PTS: variants seen among roughly 807,000 people sequenced by gnomAD.
The protein encoded by PTS is 6-pyruvoyltetrahydropterin synthase.
A neutral mutation model predicts 20.6 loss-of-function variants in PTS; 23 were observed. The ratio of observed to expected loss-of-function variants is 1.12; its 90% CI spans 0.80 to 1.58. The LOEUF (loss-of-function observed/expected upper bound fraction) is 1.58, where lower values mean the gene tolerates loss of function less well. Ranked by LOEUF, PTS falls within the 40% of genes most tolerant of loss-of-function variation. The probability of loss-of-function intolerance (pLI) is 0.00; values close to 1 mark genes in which losing one functional copy is unlikely to be tolerated. For synonymous variants in PTS, 65 were observed against 62.5 expected (o/e 1.04, Z -0.19); for missense variants, 186 against 182.4 (o/e 1.02, Z -0.11).
intron 4 of PTS, among the ~76,000 whole-genome samples, chr11:112,232,118 C>A (rs182440821): frequency 6.6e-6 from 1 of 152,226 alleles, no homozygotes; most frequent in Non-Finnish European, 1.5e-5. Context: ...CTTATCATGG[C>A]ATGTAGAGTA....
rs137920358 is a variant in PTS, at chr11:112,228,494, CTT to C, written c.84-97_84-96del. ...TGAGCTAAAGTAATAAATTGGGAAA[CTT>C]TTCAAAGATCAGTACAAATAATAAA... is the stretch of plus-strand genomic sequence containing the variant. On this transcript the variant is annotated intron_variant, in intron 1 of 5. Coordinates refer to ENST00000280362, the MANE Select transcript of PTS (RefSeq NM_000317.3). 1,495 of 1,065,452 alleles carry C rather than the reference CTT, an allele frequency of 1.4e-3. 16 individuals carry two copies. In the African/African-American group the frequency reaches 0.018, roughly 13 times the overall value. 66.0% of individuals were successfully genotyped at this position (1,065,452 alleles called of 1,614,324 possible).
At chr11:112,230,081 A>G in intron 2 of PTS, 127 bp from the exon 3 acceptor site, 1 of 959,464 alleles carries the variant, frequency 1.0e-6, no homozygotes. Context: ...ATATTTAAGT[A>G]TAGCTTTTGG....
rs1184691736 is a variant in PTS at position 112,231,949 on chromosome 11, AAAAAGAAAAAGAGAAAAG to A, written c.244-1204_244-1187del. Among the ~76,000 whole-genome samples, 7 of 151,242 alleles carry A rather than the reference AAAAAGAAAAAGAGAAAAG, an allele frequency of 4.6e-5. 2 individuals are homozygous for A. Among genetic ancestry groups the A allele is most frequent in the African/African-American group, 1.7e-4 (7 of 40,896 alleles). ...GGAGGAGAGGGGAGGGGAAAGAAAG[AAAAAGAAAAAGAGAAAAG>A]AAAAGAAAAGAAAGAAAAGAGACAA... On this transcript the variant is annotated intron_variant, in intron 4 of 5. Coordinates refer to ENST00000280362, the MANE Select transcript of PTS (RefSeq NM_000317.3).
At chr11:112,230,100 C>G (rs1327164569) in intron 2 of PTS, 108 bp from the exon 3 acceptor site, 2 of 1,064,032 alleles carry the variant, frequency 1.9e-6, no homozygotes, top group East Asian at 4.7e-5. Flanking sequence ...GGGGACAGAT[C>G]TAATAATTTA....
At chr11:112,231,077 G>A (rs1468108984) in intron 4 of PTS, among the ~76,000 whole-genome samples, 3 of 150,372 alleles carry the variant, frequency 2.0e-5, no homozygotes, top group Non-Finnish European at 3.0e-5. Context: ...TTTTGGTAGA[G>A]GTAGGGGTCT....
intron 2 of PTS, 110 bp from the exon 3 acceptor site, chr11:112,230,098 A>G (rs962108285): frequency 7.6e-6 from 8 of 1,046,916 alleles, no homozygotes; most frequent in Non-Finnish European, 1.2e-5. Context: ...TTGGGGACAG[A>G]TCTAATAATT....
chr11:112,226,623 G>A (rs994366519), intron 1 of PTS, 97 bp downstream of exon 1: 2 of 1,093,476 alleles, frequency 1.8e-6, no homozygotes, highest in African/African-American at 3.3e-5. Flanking sequence ...TCGGGCCCGG[G>A]AGGGGCGCGG....
At chr11:112,227,799 C>G (rs959012447) in intron 1 of PTS, among the ~76,000 whole-genome samples, 1 of 152,154 alleles carries the variant, frequency 6.6e-6, no homozygotes, top group Non-Finnish European at 1.5e-5. Context: ...TAGGCCCCAT[C>G]TCCAACACTG....
Position 112,233,615 on chromosome 11 carries a change from T to A in PTS, c.*60T>A. 6.2e-6 allele frequency: 10 copies of A among 1,608,382 alleles called. No individual in the cohort carries two copies. The highest frequency in any genetic ancestry group is 8.5e-6 in the Non-Finnish European group (10 of 1,177,802). On this transcript the variant is annotated 3_prime_UTR_variant, in exon 6 of 6. Transcript: ENST00000280362. ...TTTCTGTGTTTGAAAAAGATTTTGATCCCCTTGGAATATTAAGAGGTCAAC... is the reference window on the plus strand; with the variant it reads ...TTTCTGTGTTTGAAAAAGATTTTGAACCCCTTGGAATATTAAGAGGTCAAC...
intron 4 of PTS, among the ~76,000 whole-genome samples, chr11:112,230,936 T>C (rs763565057): frequency 6.6e-5 from 10 of 152,220 alleles, no homozygotes; most frequent in Non-Finnish European, 1.5e-4. Context: ...GTATTCCTTG[T>C]TGGAATATCC....
intron 3 of PTS, 169 bp downstream of exon 3, chr11:112,230,399 G>T (rs545888598): frequency 7.7e-6 from 7 of 906,838 alleles, no homozygotes; most frequent in Non-Finnish European, 1.3e-5. Flanking sequence ...CTCTACCAAA[G>T]TGTTGTCTTT....
rs1407400342 is a variant in PTS, at chr11:112,233,257, T to C, written c.314+24T>C. 3.1e-6 allele frequency: 5 copies of C among 1,601,846 alleles called. No homozygotes were observed. In the South Asian group the frequency reaches 4.4e-5, roughly 14 times the overall value. ...AGGTGGGTGGCACTGTATCTTGCCTTATGTGGATTGTAAAACAAGAATTGA... is the reference window on the plus strand; with the variant it reads ...AGGTGGGTGGCACTGTATCTTGCCTCATGTGGATTGTAAAACAAGAATTGA... On this transcript the variant is annotated intron_variant, in intron 5 of 5. Transcript: ENST00000280362.
At position 112,230,657 on chromosome 11, in the gene PTS, T is replaced by C; in HGVS notation, c.218T>C (p.Leu73Pro). ...IDPATGMVMNLADLKKYMEEA... is the reference protein window; with the variant it reads ...IDPATGMVMNPADLKKYMEEA... ...CCTGCTACGGGAATGGTTATGAATCTGGCTGATCTCAAAAAATATATGGAG... is the reference window on the plus strand; with the variant it reads ...CCTGCTACGGGAATGGTTATGAATCCGGCTGATCTCAAAAAATATATGGAG... The change falls in exon 4 of 6, where the codon CTG becomes CCG. Residue 73 changes from leucine (L) to proline (P), a missense_variant. By Grantham distance (98) the Leu-to-Pro change is moderately conservative. Transcript: ENST00000280362. The C allele has an allele frequency of 6.2e-7, 1 of 1,611,340 alleles. No individual in the cohort carries two copies. Among genetic ancestry groups the C allele is most frequent in the South Asian group, 1.1e-5 (1 of 91,024 alleles).
chr11:112,230,020 T>G, intron 2 of PTS, 188 bp from the exon 3 acceptor site: 1 of 642,576 alleles, frequency 1.6e-6, no homozygotes, highest in Non-Finnish European at 2.7e-6. Flanking sequence ...GTGTCTTGCT[T>G]TGGTTGCTAA....
At chr11:112,233,034 A>C in intron 4 of PTS, 129 bp from the exon 5 acceptor site, 3 of 952,200 alleles carry the variant, frequency 3.2e-6, no homozygotes, top group Non-Finnish European at 5.2e-6. Context: ...TGTAAGACTC[A>C]AATCTAGTAC....
chr11:112,231,940 GAAAGA>G (rs1177748667), intron 4 of PTS, among the ~76,000 whole-genome samples: 1 of 134,372 alleles, frequency 7.4e-6, no homozygotes, highest in Non-Finnish European at 1.6e-5. Flanking sequence ...GAGGGGAGGG[GAAAGA>G]AAGAAAAAGA....
At chr11:112,233,373 CAT>C (rs1859968510) in intron 5 of PTS, 57 bp from the exon 6 acceptor site, 1 of 1,541,542 alleles carries the variant, frequency 6.5e-7, no homozygotes, top group African/African-American at 1.4e-5. Flanking sequence ...AAATATTAAA[CAT>C]GAAATTTTAT....
At chr11:112,233,028 A>G in intron 4 of PTS, 135 bp from the exon 5 acceptor site, 1 of 905,644 alleles carries the variant, frequency 1.1e-6, no homozygotes, top group Non-Finnish European at 1.9e-6. Context: ...TTGCCTTGTA[A>G]GACTCAAATC....
intron 2 of PTS, chr11:112,228,971 A>G (rs1859898998): frequency 2.9e-6 from 1 of 340,304 alleles, no homozygotes. Context: ...GCCAAGGCTA[A>G]TGTTAAAATT....
Sources: gnomAD v4.1 joint callset for allele counts (sites outside exome capture counted in the v4.1 genomes callset) on GRCh38, gnomAD v4.1.1 for gene constraint, MANE v1.5 for transcripts, NCBI Gene and HGNC (gene_info 2026-07-23, HGNC 2026-07-21) for gene names.